The following MFSD11 variants were observed in gnomAD, a reference collection of about 807,000 sequenced individuals.
The protein encoded by MFSD11 is UNC93-like protein MFSD11.
In MFSD11, 36 loss-of-function variants were observed where a neutral mutation model predicts 53.5. The observed-to-expected ratio is 0.67, with a 90% confidence interval of 0.52 to 0.89. MFSD11 has a LOEUF of 0.89. Among genes scored for constraint, MFSD11 ranks in the 40% least tolerant of loss-of-function variants. MFSD11 has a pLI of 0.00. For missense variants in MFSD11, 530 were observed against 543.9 expected (o/e 0.97, Z 0.25); for synonymous variants, 186 against 184.9 (o/e 1.01, Z -0.05).
intron 8 of MFSD11, 115 bp downstream of exon 8, chr17:76,754,202 C>A: frequency 1.3e-6 from 1 of 742,296 alleles, no homozygotes; most frequent in Non-Finnish European, 2.3e-6. Context: ...TGCATTTTTC[C>A]AGGTATGCTG....
chr17:76,778,586 T>A lies in MFSD11; in HGVS notation c.*234T>A, dbSNP rs2144965646. 1 of 450,254 alleles carries A rather than the reference T, an allele frequency of 2.2e-6. No individual in the cohort carries two copies. The highest frequency in any genetic ancestry group is 3.4e-5 in the East Asian group (1 of 29,712). The allele number at this position is 450,254 out of a possible 1,614,324, so 27.9% of individuals were successfully genotyped here. ...TGTCAACTGTAATTGTTCAAAGATG[T>A]TGTTTTTCATTTCATCTATCTCAAT... is the stretch of plus-strand genomic sequence containing the variant. On this transcript the variant is annotated 3_prime_UTR_variant, in exon 13 of 13. Transcript: ENST00000685175.
chr17:76,802,247 A>C, the MFSD11 span, among the ~76,000 whole-genome samples: 1 of 152,080 alleles, frequency 6.6e-6, no homozygotes, highest in South Asian at 2.1e-4. Context: ...CTCCAGCCTG[A>C]GTGACAGAGC....
intron 8 of MFSD11, among the ~76,000 whole-genome samples, chr17:76,765,613 C>G (rs956055347): frequency 6.6e-6 from 1 of 151,782 alleles, no homozygotes; most frequent in Non-Finnish European, 1.5e-5. Context: ...TAGGTGTGCA[C>G]CACCATGCCT....
the MFSD11 span, among the ~76,000 whole-genome samples, chr17:76,794,633 C>T: frequency 1.2e-4 from 10 of 86,100 alleles, no homozygotes; most frequent in African/African-American, 4.8e-4. Context: ...CAGAGCAAAA[C>T]TCTGTCTCAA....
chr17:76,738,162 G>T lies in MFSD11; in HGVS notation c.-191G>T. On this transcript the variant is annotated 5_prime_UTR_variant, in exon 1 of 13. Transcript: ENST00000685175. Reference sequence around the variant, plus strand: ...ATCGCTTCTTAGGAGTATCCTAACTGCCGGTGGGGAGAACTTCGCCCTAAA... The same window carrying T: ...ATCGCTTCTTAGGAGTATCCTAACTTCCGGTGGGGAGAACTTCGCCCTAAA... The T allele has an allele frequency of 1.7e-6, 1 of 604,308 alleles. No individual in the cohort carries two copies. Among genetic ancestry groups the T allele is most frequent in the Non-Finnish European group, 2.9e-6 (1 of 341,690 alleles). 37.4% of individuals were successfully genotyped at this position (604,308 alleles called of 1,614,324 possible). A position where few individuals can be genotyped will look rare whatever the true frequency, so the allele number is the denominator to read the frequency against.
At chr17:76,792,571 G>T in the MFSD11 span, among the ~76,000 whole-genome samples, 1 of 151,244 alleles carries the variant, frequency 6.6e-6, no homozygotes, top group African/African-American at 2.5e-5. Flanking sequence ...ATCCAAGATG[G>T]CAGAGCAGGT....
chr17:76,759,082 C>G (rs1338282338), intron 8 of MFSD11, among the ~76,000 whole-genome samples: 1 of 151,762 alleles, frequency 6.6e-6, no homozygotes, highest in Non-Finnish European at 1.5e-5. Context: ...CTTATCTCTA[C>G]TAAAAATAAA....
chr17:76,746,629 G>A (rs1054503769), intron 7 of MFSD11, among the ~76,000 whole-genome samples: 2 of 152,186 alleles, frequency 1.3e-5, no homozygotes, highest in Non-Finnish European at 2.9e-5. Flanking sequence ...GAAACCCTAT[G>A]ACCCTTAAGA....
the MFSD11 span, chr17:76,799,027 CAAAA>C: frequency 1.3e-4 from 13 of 99,082 alleles, no homozygotes; most frequent in Non-Finnish European, 1.8e-4. Flanking sequence ...AACTCCATCT[CAAAA>C]AAAAAAAAAA....
chr17:76,794,711 G>C, the MFSD11 span, among the ~76,000 whole-genome samples: 1 of 59,482 alleles, frequency 1.7e-5, no homozygotes, highest in Non-Finnish European at 2.8e-5. Flanking sequence ...TTTTTGTTTT[G>C]AGATGGAGTG....
At chr17:76,769,529 A>C (rs1395493506) in intron 9 of MFSD11, 4 of 377,534 alleles carry the variant, frequency 1.1e-5, no homozygotes, top group Non-Finnish European at 1.9e-5. Context: ...TCAATATGTG[A>C]ATCTGGGGAG....
intron 3 of MFSD11, 189 bp from the exon 4 acceptor site, chr17:76,741,780 C>T (rs1338930355): frequency 4.6e-6 from 2 of 430,348 alleles, no homozygotes; most frequent in Non-Finnish European, 6.2e-6. Context: ...GGAGTGAGAC[C>T]CTGTCTCAAA....
chr17:76,764,222 A>G (rs1482930169), intron 8 of MFSD11, among the ~76,000 whole-genome samples: 3 of 152,020 alleles, frequency 2.0e-5, no homozygotes, highest in Admixed American at 6.6e-5. Flanking sequence ...TAACATATCC[A>G]TCACCTCACA....
downstream of MFSD11, among the ~76,000 whole-genome samples, chr17:76,784,905 A>C (rs1012022896): frequency 1.3e-5 from 2 of 152,222 alleles, no homozygotes; most frequent in African/African-American, 4.8e-5. Flanking sequence ...TCTCAAAAAC[A>C]AAACAAAACA....
At chr17:76,764,686 TAC>T (rs35495045) in intron 8 of MFSD11, among the ~76,000 whole-genome samples, 8,506 of 151,004 alleles carry the variant, frequency 0.056, 788 homozygotes, top group African/African-American at 0.19. Flanking sequence ...ATATAATTAA[TAC>T]ACACACACAC....
chr17:76,752,218 C>T (rs893508673), intron 7 of MFSD11, among the ~76,000 whole-genome samples: 11 of 152,130 alleles, frequency 7.2e-5, no homozygotes, highest in Non-Finnish European at 1.6e-4. Flanking sequence ...TAACCCACTT[C>T]CGTTTCCCAT....
At chr17:76,745,199 A>G (rs1237952096) in intron 7 of MFSD11, among the ~76,000 whole-genome samples, 1 of 152,146 alleles carries the variant, frequency 6.6e-6, no homozygotes, top group Non-Finnish European at 1.5e-5. Flanking sequence ...ATAGCATTTT[A>G]TATATTGTTA....
chr17:76,778,250 G>C lies in MFSD11; in HGVS notation c.1248G>C (p.Leu416=), dbSNP rs1346273742. ...SNYLLLHWQL[L]VMVIFGFFGT... ...ACCTTCTCCTTCACTGGCAACTCCTGGTCATGGTGATATTTGGGTTTTTTG... is the reference window on the plus strand; with the variant it reads ...ACCTTCTCCTTCACTGGCAACTCCTCGTCATGGTGATATTTGGGTTTTTTG... Residue 416 remains leucine (L), a synonymous_variant, in exon 13 of 13, where the codon CTG becomes CTC. Coordinates refer to ENST00000685175, the MANE Select transcript of MFSD11 (RefSeq NM_001242532.5). 1.8e-5 allele frequency: 29 copies of C among 1,613,980 alleles called. No individual in the cohort carries two copies. Among genetic ancestry groups the C allele is most frequent in the Non-Finnish European group, 2.5e-5 (29 of 1,180,022 alleles).
chr17:76,793,204 C>T, the MFSD11 span, among the ~76,000 whole-genome samples: 4 of 151,314 alleles, frequency 2.6e-5, no homozygotes, highest in South Asian at 2.1e-4. Flanking sequence ...GGAATTTCCT[C>T]GTCCTAATAA....
Sources: allele counts gnomAD v4.1 joint callset (sites outside exome capture counted in the v4.1 genomes callset), GRCh38; gene constraint gnomAD v4.1.1; transcripts MANE v1.5; gene names NCBI Gene and HGNC (gene_info 2026-07-23, HGNC 2026-07-21).